Variants in EXOC4 observed in about 807,000 individuals in gnomAD.
EXOC4 encodes the protein exocyst complex component 4, also known as SEC8-like 1.
Under a neutral mutation model 107.2 loss-of-function variants are expected in EXOC4, and 71 were observed. The ratio of observed to expected loss-of-function variants is 0.66; its 90% CI spans 0.55 to 0.81. The LOEUF (loss-of-function observed/expected upper bound fraction) is 0.81. Among genes scored for constraint, EXOC4 ranks in the 30% least tolerant of loss-of-function variants. The probability of loss-of-function intolerance (pLI) is 0.00; values close to 1 mark genes in which losing one functional copy is unlikely to be tolerated. For missense variants in EXOC4, 1,108 were observed against 1,189.6 expected (o/e 0.93, Z 1.01); for synonymous variants, 456 against 441.2 (o/e 1.03, Z -0.42).
At chr7:133,355,967 A>G (rs1297825364) in intron 5 of EXOC4, among the ~76,000 whole-genome samples, 1 of 152,168 alleles carries the variant, frequency 6.6e-6, no homozygotes, top group Non-Finnish European at 1.5e-5. Flanking sequence ...GCTAGGATCC[A>G]GCTCTTCAGA....
At chr7:133,917,561 C>A in intron 12 of EXOC4, 22 bp from the exon 13 acceptor site, 1 of 1,611,086 alleles carries the variant, frequency 6.2e-7, no homozygotes, top group African/African-American at 1.3e-5. Flanking sequence ...TACAGTGTCT[C>A]TTTTCTATTG....
chr7:133,788,790 G>A (rs1796644096), intron 10 of EXOC4, among the ~76,000 whole-genome samples: 1 of 152,154 alleles, frequency 6.6e-6, no homozygotes, highest in Non-Finnish European at 1.5e-5. Flanking sequence ...ACCACACCCA[G>A]AAACACTTCT....
chr7:133,963,501 T>C (rs1800992893), intron 14 of EXOC4, among the ~76,000 whole-genome samples: 1 of 152,188 alleles, frequency 6.6e-6, no homozygotes, highest in African/African-American at 2.4e-5. Context: ...AGGGTGTTTC[T>C]GACAAGGCAA....
chr7:133,947,472 G>A (rs976876173), intron 14 of EXOC4, among the ~76,000 whole-genome samples: 4 of 152,210 alleles, frequency 2.6e-5, no homozygotes, highest in African/African-American at 9.6e-5. Flanking sequence ...GGGCCTACAG[G>A]TGCTCATCTG....
intron 6 of EXOC4, among the ~76,000 whole-genome samples, chr7:133,364,214 G>T (rs1796198199): frequency 6.6e-6 from 1 of 151,942 alleles, no homozygotes; most frequent in Non-Finnish European, 1.5e-5. Flanking sequence ...CTGTAGCCTT[G>T]ACCCCCCCTG....
chr7:133,807,260 A>G (rs1431440488), intron 10 of EXOC4, among the ~76,000 whole-genome samples: 1 of 152,192 alleles, frequency 6.6e-6, no homozygotes, highest in Admixed American at 6.5e-5. Context: ...GTTTTATCAC[A>G]TGTAAAATGG....
intron 7 of EXOC4, among the ~76,000 whole-genome samples, chr7:133,384,586 T>C (rs976982494): frequency 6.6e-6 from 1 of 152,168 alleles, no homozygotes; most frequent in South Asian, 2.1e-4. Context: ...AATAGTGTGA[T>C]GTAGAAAGTG....
At chr7:134,002,396 T>A (rs1200872948) in intron 15 of EXOC4, among the ~76,000 whole-genome samples, 1 of 152,098 alleles carries the variant, frequency 6.6e-6, no homozygotes, top group African/African-American at 2.4e-5. Flanking sequence ...AGGAAAAAAT[T>A]TTTATGATCT....
At chr7:133,459,882 TTC>T (rs1240175329) in intron 7 of EXOC4, among the ~76,000 whole-genome samples, 3 of 152,226 alleles carry the variant, frequency 2.0e-5, no homozygotes, top group Non-Finnish European at 2.9e-5. Flanking sequence ...ATCTACATAT[TTC>T]TGTCCTCTTT....
intron 17 of EXOC4, among the ~76,000 whole-genome samples, chr7:134,057,456 G>C (rs1795958076): frequency 6.6e-6 from 1 of 151,686 alleles, no homozygotes; most frequent in Admixed American, 6.6e-5. Flanking sequence ...CTCCACCTTA[G>C]TTTTCTCATT....
At chr7:133,326,250 G>A (rs972063323) in intron 5 of EXOC4, among the ~76,000 whole-genome samples, 1 of 152,198 alleles carries the variant, frequency 6.6e-6, no homozygotes, top group African/African-American at 2.4e-5. Context: ...CGTTGCTGGC[G>A]AGGAGCTGCG....
chr7:133,785,850 T>C (rs1294337169), intron 10 of EXOC4, among the ~76,000 whole-genome samples: 1 of 152,068 alleles, frequency 6.6e-6, no homozygotes, highest in African/African-American at 2.4e-5. Context: ...TTTTTTGTAT[T>C]TTTAATAGAG....
At chr7:133,385,526 A>G (rs1487567953) in intron 7 of EXOC4, among the ~76,000 whole-genome samples, 1 of 152,226 alleles carries the variant, frequency 6.6e-6, no homozygotes, top group Non-Finnish European at 1.5e-5. Flanking sequence ...GGAAAATACA[A>G]GTCTTTCACA....
Position 133,515,314 on chromosome 7 carries a change from CAGT to C in EXOC4, c.1417+35179_1417+35181del, listed in dbSNP as rs1799851581. 1.4e-4 allele frequency among the ~76,000 whole-genome samples: 21 copies of C among 148,970 alleles called. 1 individual carries two copies. In the South Asian group the frequency reaches 4.3e-3, roughly 31 times the overall value. On this transcript the variant is annotated intron_variant, in intron 9 of 17. Transcript: ENST00000253861. ...TTCCAACCATGGAGATTACTCCAAT[CAGT>C]AGCCCAAGTGTGCATACACACACAC...
At chr7:133,522,988 C>T (rs1176874649) in intron 9 of EXOC4, among the ~76,000 whole-genome samples, 1 of 152,160 alleles carries the variant, frequency 6.6e-6, no homozygotes, top group Non-Finnish European at 1.5e-5. Flanking sequence ...AAGTTGACTG[C>T]TGGCATTTAA....
chr7:133,856,944 C>CA (rs1359611187), intron 11 of EXOC4, among the ~76,000 whole-genome samples: 9 of 149,928 alleles, frequency 6.0e-5, no homozygotes, highest in Middle Eastern at 3.4e-3. Context: ...ACTAAAAATA[C>CA]AAAAAAATTA....
intron 2 of EXOC4, among the ~76,000 whole-genome samples, chr7:133,281,785 T>C (rs910139460): frequency 1.3e-5 from 2 of 151,392 alleles, no homozygotes; most frequent in African/African-American, 4.9e-5. Context: ...TACTGCAACC[T>C]TCGCCTCCCG....
At chr7:133,448,131 A>G (rs1798259610) in intron 7 of EXOC4, among the ~76,000 whole-genome samples, 1 of 152,192 alleles carries the variant, frequency 6.6e-6, no homozygotes, top group African/African-American at 2.4e-5. Context: ...AGCAGGAAAA[A>G]GCACAGTGTA....
At chr7:133,964,496 A>G (rs1405873564) in intron 14 of EXOC4, among the ~76,000 whole-genome samples, 1 of 152,030 alleles carries the variant, frequency 6.6e-6, no homozygotes, top group Non-Finnish European at 1.5e-5. Flanking sequence ...ACCTCCCGAC[A>G]GGCCCCAGTG....
Sources: allele counts gnomAD v4.1 joint callset (sites outside exome capture counted in the v4.1 genomes callset), GRCh38; gene constraint gnomAD v4.1.1; transcripts MANE v1.5; gene names NCBI Gene and HGNC (gene_info 2026-07-23, HGNC 2026-07-21).